The following LRP1B variants were observed in gnomAD, a reference collection of about 807,000 sequenced individuals.
The protein encoded by LRP1B is low-density lipoprotein receptor-related protein 1B.
A neutral mutation model predicts 556.6 loss-of-function variants in LRP1B; 217 were observed. The ratio of observed to expected loss-of-function variants is 0.39; its 90% CI spans 0.35 to 0.44. LRP1B has a LOEUF of 0.44. LRP1B is among the 20% of genes least tolerant of loss of function. The pLI, the probability that LRP1B is intolerant of heterozygous loss-of-function variation, is 1.00. For synonymous variants in LRP1B, 2,047 were observed against 1,865.8 expected (o/e 1.10, Z -2.50); for missense variants, 5,053 against 5,620.8 (o/e 0.90, Z 3.23).
chr2:140,296,433 A>G (rs35689257), intron 84 of LRP1B, among the ~76,000 whole-genome samples: 2,078 of 152,314 alleles, frequency 0.014, 19 homozygotes, highest in Non-Finnish European at 0.023. Flanking sequence ...AAAACAAATC[A>G]GTTTAAATTA....
rs79950048 is a variant in LRP1B at position 140,496,002 on chromosome 2, G to A, written c.8851-254C>T. ...AAAGTTAATTGACATTGCTAAGGCCGTGTGGTTAGAGATTGGCAAGGCAAA... is the reference window on the plus strand; with the variant it reads ...AAAGTTAATTGACATTGCTAAGGCCATGTGGTTAGAGATTGGCAAGGCAAA... On this transcript the variant is annotated intron_variant, in intron 55 of 90. Transcript: ENST00000389484. 3.6e-3 allele frequency among the ~76,000 whole-genome samples: 555 copies of A among 152,216 alleles called. 8 individuals carry two copies. Among genetic ancestry groups the A allele is most frequent in the African/African-American group, 0.012 (496 of 41,546 alleles).
chr2:141,891,157 T>A (rs1233233250), intron 1 of LRP1B, among the ~76,000 whole-genome samples: 1 of 152,004 alleles, frequency 6.6e-6, no homozygotes, highest in Non-Finnish European at 1.5e-5. Flanking sequence ...TTTAAACAAC[T>A]TTTGCCAGAT....
At chr2:141,959,189 A>T (rs2105050681) in intron 1 of LRP1B, among the ~76,000 whole-genome samples, 1 of 152,128 alleles carries the variant, frequency 6.6e-6, no homozygotes, top group Non-Finnish European at 1.5e-5. Context: ...TGTTTAGGAT[A>T]GCAGACAAGG....
intron 63 of LRP1B, among the ~76,000 whole-genome samples, chr2:140,450,062 A>G (rs1459873676): frequency 6.6e-6 from 1 of 152,226 alleles, no homozygotes; most frequent in African/African-American, 2.4e-5. Flanking sequence ...AATTGCTAAG[A>G]ACATATTAAA....
intron 41 of LRP1B, among the ~76,000 whole-genome samples, chr2:140,668,563 GT>G (rs1685368799): frequency 6.6e-6 from 1 of 151,984 alleles, no homozygotes; most frequent in Non-Finnish European, 1.5e-5. Flanking sequence ...AGTGTAAACT[GT>G]TTGGTCTTCT....
chr2:142,057,235 T>C (rs577238807), intron 1 of LRP1B, among the ~76,000 whole-genome samples: 2 of 152,228 alleles, frequency 1.3e-5, no homozygotes, highest in East Asian at 1.9e-4. Context: ...TCCCTATCTC[T>C]AGGTATGATA....
intron 66 of LRP1B, among the ~76,000 whole-genome samples, chr2:140,391,006 A>G (rs1466902758): frequency 6.6e-6 from 1 of 152,158 alleles, no homozygotes; most frequent in African/African-American, 2.4e-5. Flanking sequence ...CATGTGACTC[A>G]GCAATTTTTC....
intron 7 of LRP1B, among the ~76,000 whole-genome samples, chr2:141,074,611 T>TA (rs1699738455): frequency 1.7e-5 from 2 of 116,250 alleles, no homozygotes; most frequent in African/African-American, 6.1e-5. Context: ...ATATATGTTT[T>TA]TTATATATAT....
In LRP1B at chr2:140,880,463, T is replaced by C. The variant is rs555631235; in HGVS notation, c.4169+3354A>G. Among the ~76,000 whole-genome samples the C allele has an allele frequency of 4.6e-5, 7 of 152,274 alleles. No individual in the cohort carries two copies. In the East Asian group the frequency reaches 5.8e-4, roughly 13 times the overall value. ...CAATTTACCATCTTGGAATAGTTTG[T>C]CACCTGGGAGATCAGGTCAAAATCC... On this transcript the variant is annotated intron_variant, in intron 25 of 90. Transcript: ENST00000389484.
intron 2 of LRP1B, among the ~76,000 whole-genome samples, chr2:141,657,024 A>T (rs1690037655): frequency 6.6e-6 from 1 of 152,120 alleles, no homozygotes; most frequent in African/African-American, 2.4e-5. Context: ...TTGGAACAAC[A>T]AACTTAAAGC....
At chr2:140,294,809 G>A (rs1683533055) in intron 84 of LRP1B, among the ~76,000 whole-genome samples, 1 of 152,180 alleles carries the variant, frequency 6.6e-6, no homozygotes, top group Admixed American at 6.5e-5. Flanking sequence ...AGTCTGCTGT[G>A]TTGTGAGGAG....
At chr2:141,592,439 G>A (rs1366603241) in intron 2 of LRP1B, among the ~76,000 whole-genome samples, 4 of 152,054 alleles carry the variant, frequency 2.6e-5, no homozygotes, top group Non-Finnish European at 5.9e-5. Flanking sequence ...TTTTATGAGG[G>A]CACTAATCCC....
At position 141,838,137 on chromosome 2, in the gene LRP1B, G is replaced by A. The variant is rs566435094; in HGVS notation, c.83-27736C>T. On this transcript the variant is annotated intron_variant, in intron 1 of 90. Coordinates refer to ENST00000389484, the MANE Select transcript of LRP1B (RefSeq NM_018557.3). ...CTACTGTCTGCCAAATAGATCTTAAGCTAGAAGTGGGGGATGCAGAAATAC... is the reference window on the plus strand; with the variant it reads ...CTACTGTCTGCCAAATAGATCTTAAACTAGAAGTGGGGGATGCAGAAATAC... Among the ~76,000 whole-genome samples the A allele has an allele frequency of 5.9e-5, 9 of 152,160 alleles. No homozygotes were observed. The South Asian group carries it at 1.2e-3, about 21-fold the overall frequency.
chr2:141,888,906 C>A (rs138695297), intron 1 of LRP1B, among the ~76,000 whole-genome samples: 8 of 152,164 alleles, frequency 5.3e-5, no homozygotes, highest in African/African-American at 1.9e-4. Flanking sequence ...GGCCAACCAG[C>A]CAGGGATATT....
In LRP1B at chr2:141,882,000, T is replaced by TC. The variant is rs532328220; in HGVS notation, c.83-71600dup. On this transcript the variant is annotated intron_variant, in intron 1 of 90. Transcript: ENST00000389484. ...TGGAGCATCTGTGCTCAAGTGATCC[T>TC]CCTGCCTTAGATTTTCAAAATGCTG... Among the ~76,000 whole-genome samples the TC allele has an allele frequency of 5.9e-5, 9 of 152,244 alleles. No individual in the cohort carries two copies. In the East Asian group the frequency reaches 1.7e-3, roughly 29 times the overall value.
chr2:141,552,276 G>A (rs1199733873), intron 2 of LRP1B, among the ~76,000 whole-genome samples: 1 of 151,914 alleles, frequency 6.6e-6, no homozygotes, highest in Non-Finnish European at 1.5e-5. Flanking sequence ...AGTGAAAAAT[G>A]TCAATTACTT....
At chr2:141,808,939 T>C (rs1041468397) in intron 2 of LRP1B, among the ~76,000 whole-genome samples, 1 of 152,138 alleles carries the variant, frequency 6.6e-6, no homozygotes, top group Non-Finnish European at 1.5e-5. Context: ...TTCCTTTTCA[T>C]TACCAAATAA....
intron 7 of LRP1B, among the ~76,000 whole-genome samples, chr2:141,185,047 C>T (rs1014930333): frequency 3.3e-5 from 5 of 152,006 alleles, no homozygotes; most frequent in Non-Finnish European, 7.4e-5. Context: ...AATGGTATCA[C>T]AAGTGTTGAA....
chr2:142,012,051 C>T (rs1279528515), intron 1 of LRP1B, among the ~76,000 whole-genome samples: 1 of 151,966 alleles, frequency 6.6e-6, no homozygotes, highest in African/African-American at 2.4e-5. Context: ...GCATGTTTTG[C>T]TAAGGGATAT....
Sources: gnomAD v4.1 joint callset for allele counts (sites outside exome capture counted in the v4.1 genomes callset) on GRCh38, gnomAD v4.1.1 for gene constraint, MANE v1.5 for transcripts, NCBI Gene and HGNC (gene_info 2026-07-23, HGNC 2026-07-21) for gene names.